The following STK38 variants were observed in gnomAD, a reference collection of about 807,000 sequenced individuals.
The protein encoded by STK38 is serine/threonine-protein kinase 38.
Under a neutral mutation model 59.0 loss-of-function variants are expected in STK38, and 26 were observed. The ratio of observed to expected loss-of-function variants is 0.44; its 90% CI spans 0.32 to 0.61. The LOEUF is 0.61. STK38 is among the 20% of genes least tolerant of loss of function. The pLI, the probability that STK38 is intolerant of heterozygous loss-of-function variation, is 0.04. For synonymous variants in STK38, 175 were observed against 176.6 expected, an observed-to-expected ratio of 0.99 and a Z score of 0.07; for missense variants, 433 against 566.0, an observed-to-expected ratio of 0.76 and a Z score of 2.38.
At chr6:36,501,669 C>T (rs1208751229) in intron 9 of STK38, among the ~76,000 whole-genome samples, 2 of 151,862 alleles carry the variant, frequency 1.3e-5, no homozygotes, top group Non-Finnish European at 2.9e-5. Flanking sequence ...AAGTGATCCA[C>T]CCACCTCAGC....
At chr6:36,521,513 T>C (rs1214461669) in intron 5 of STK38, among the ~76,000 whole-genome samples, 5 of 152,178 alleles carry the variant, frequency 3.3e-5, no homozygotes, top group African/African-American at 1.2e-4. Context: ...TGGAACAGAT[T>C]TTCAATTTTT....
At position 36,525,598 on chromosome 6, in the gene STK38, T is replaced by A. The variant is rs771034473; in HGVS notation, c.176A>T (p.Asp59Val). 4 of 1,613,682 alleles carry A rather than the reference T, an allele frequency of 2.5e-6. No individual in the cohort carries two copies. In the African/African-American group the frequency reaches 4.0e-5, roughly 16 times the overall value. ...ATTGCCAATATTAATTACCTCCTCA[T>A]CTTTTAGGCCTTCTTCTTCCATCAC... is the stretch of plus-strand genomic sequence containing the variant. ...EKVMEEEGLK[D>V]EEKRLRRSAH... Residue 59 changes from aspartate to valine, a missense_variant, in exon 3 of 14, where the codon GAT becomes GTT. Asp to Val is a radical substitution (Grantham distance 152). This residue lies in a region of STK38 where 293 missense variants were observed against 388.2 expected (regional missense o/e 0.75). Transcript: ENST00000229812.
intron 9 of STK38, among the ~76,000 whole-genome samples, chr6:36,506,278 T>C (rs1302058578): frequency 6.6e-6 from 1 of 152,138 alleles, no homozygotes; most frequent in Admixed American, 6.5e-5. Flanking sequence ...AGCTTAAATA[T>C]AACCCCTTTA....
intron 9 of STK38, among the ~76,000 whole-genome samples, chr6:36,505,167 A>G (rs1160345489): frequency 6.6e-6 from 1 of 152,206 alleles, no homozygotes; most frequent in East Asian, 1.9e-4. Context: ...GAACCTGGAC[A>G]TCAACATGTT....
At chr6:36,501,720 C>T (rs769673867) in intron 9 of STK38, among the ~76,000 whole-genome samples, 2 of 152,020 alleles carry the variant, frequency 1.3e-5, no homozygotes, top group Admixed American at 6.6e-5. Flanking sequence ...CCACCGCAAC[C>T]GGCCTTGTTT....
At chr6:36,538,961 T>C (rs1288679461) in intron 2 of STK38, among the ~76,000 whole-genome samples, 3 of 150,626 alleles carry the variant, frequency 2.0e-5, no homozygotes, top group Non-Finnish European at 4.4e-5. Flanking sequence ...TAGATGGATA[T>C]GCAGTTAAAC....
intron 7 of STK38, among the ~76,000 whole-genome samples, chr6:36,508,350 A>G (rs898716145): frequency 6.6e-6 from 1 of 152,170 alleles, no homozygotes; most frequent in Non-Finnish European, 1.5e-5. Flanking sequence ...TAGCTCTCAT[A>G]TAACATGGAT....
rs1232668996 is a variant in STK38 at position 36,547,439 on chromosome 6, G to C, written c.-255C>G. 6.6e-6 allele frequency: 1 copy of C among 152,272 alleles called. No homozygotes were observed. The highest frequency in any genetic ancestry group is 1.5e-5 in the Non-Finnish European group (1 of 68,094). The allele number at this position is 152,272 out of a possible 1,614,324, so 9.4% of individuals were successfully genotyped here. The stretch of plus-strand genomic sequence containing the variant: ...CAAGGCAGCCCGGTCCCCCGCCGCG[G>C]AGACGGGCTGGCGCGGCAGCCCGGG... On this transcript the variant is annotated 5_prime_UTR_variant, in exon 1 of 14. Coordinates refer to ENST00000229812, the MANE Select transcript of STK38 (RefSeq NM_007271.4).
chr6:36,498,219 A>G, intron 11 of STK38, 144 bp downstream of exon 11: 1 of 1,194,018 alleles, frequency 8.4e-7, no homozygotes, highest in Non-Finnish European at 1.2e-6. Context: ...GGCGTAAGCC[A>G]CCATGCACAG....
intron 2 of STK38, among the ~76,000 whole-genome samples, chr6:36,528,506 C>T (rs751036846): frequency 6.6e-6 from 1 of 152,162 alleles, no homozygotes; most frequent in African/African-American, 2.4e-5. Context: ...TATGATGCCA[C>T]TAATCAAGAC....
rs542509947 is a variant in STK38 at position 36,509,942 on chromosome 6, G to A, written c.670-2340C>T. Among the ~76,000 whole-genome samples the A allele has an allele frequency of 7.9e-5, 12 of 152,274 alleles. 1 individual carries two copies. In the South Asian group the frequency reaches 2.3e-3, roughly 29 times the overall value. On this transcript the variant is annotated intron_variant, in intron 7 of 13. Coordinates refer to ENST00000229812, the MANE Select transcript of STK38 (RefSeq NM_007271.4). Reference sequence around the variant, plus strand: ...AGAGTGTGAGTCCAGGGTTTGTATGGGTTTCAAAAGAGAGAAAGTACGTGC... The same window carrying A: ...AGAGTGTGAGTCCAGGGTTTGTATGAGTTTCAAAAGAGAGAAAGTACGTGC...
chr6:36,531,286 ATT>A (rs1265185023), intron 2 of STK38, among the ~76,000 whole-genome samples: 1 of 152,198 alleles, frequency 6.6e-6, no homozygotes, highest in Non-Finnish European at 1.5e-5. Flanking sequence ...ACTTTGTTTG[ATT>A]TGGGAAGAAA....
intron 11 of STK38, 73 bp downstream of exon 11, chr6:36,498,289 CA>C (rs1776754441): frequency 6.4e-7 from 1 of 1,556,764 alleles, no homozygotes; most frequent in African/African-American, 1.4e-5. Flanking sequence ...CAGGAGATAA[CA>C]AAAGTTTTTA....
rs1207274516 is a variant in STK38, at chr6:36,527,187, G to A, written c.132-1545C>T. 1.1e-3 allele frequency among the ~76,000 whole-genome samples: 96 copies of A among 90,470 alleles called. 1 individual carries two copies. The highest frequency in any genetic ancestry group is 9.8e-3 in the Admixed American group (60 of 6,152). 59.4% of individuals were successfully genotyped at this position (90,470 alleles called of 152,430 possible). A position where few individuals can be genotyped will look rare whatever the true frequency, so the allele number is the denominator to read the frequency against. ...AGCCTGGGTGACAGAGCAAGACTCCGTCTCAAAAAAAAAAAAAAAAATATA... is the reference window on the plus strand; with the variant it reads ...AGCCTGGGTGACAGAGCAAGACTCCATCTCAAAAAAAAAAAAAAAAATATA... On this transcript the variant is annotated intron_variant, in intron 2 of 13. Coordinates refer to ENST00000229812, the MANE Select transcript of STK38 (RefSeq NM_007271.4).
chr6:36,519,915 G>C (rs2127478350), intron 5 of STK38, among the ~76,000 whole-genome samples: 1 of 152,210 alleles, frequency 6.6e-6, no homozygotes, highest in East Asian at 1.9e-4. Flanking sequence ...CCACCACGTG[G>C]AGCAGAAAAA....
chr6:36,529,497 C>T (rs1350320758), intron 2 of STK38, among the ~76,000 whole-genome samples: 1 of 152,194 alleles, frequency 6.6e-6, no homozygotes. Flanking sequence ...CCACTCTTCC[C>T]TTCAATTCCA....
chr6:36,495,662 G>T lies in STK38; in HGVS notation c.*122C>A. ...ATCCTCTTACTACCACATTTCAGGA[G>T]ACTTTACTATGACATATTGGTGGGT... On this transcript the variant is annotated 3_prime_UTR_variant, in exon 14 of 14. Transcript: ENST00000229812. The T allele has an allele frequency of 2.3e-6, 3 of 1,301,742 alleles. No homozygotes were observed. The highest frequency in any genetic ancestry group is 3.2e-6 in the Non-Finnish European group (3 of 952,210). The allele number at this position is 1,301,742 out of a possible 1,614,324, so 80.6% of individuals were successfully genotyped here.
chr6:36,503,113 A>G (rs1776878356), intron 9 of STK38, among the ~76,000 whole-genome samples: 1 of 152,182 alleles, frequency 6.6e-6, no homozygotes, highest in African/African-American at 2.4e-5. Context: ...GCCTATGACT[A>G]GGGGTAGAAT....
rs908922346 is a variant in STK38 at position 36,547,407 on chromosome 6, G to A, written c.-223C>T. 4 of 152,354 alleles carry A rather than the reference G, an allele frequency of 2.6e-5. No homozygotes were observed. Among genetic ancestry groups the A allele is most frequent in the Non-Finnish European group, 5.9e-5 (4 of 68,162 alleles). The allele number at this position is 152,354 out of a possible 1,614,324, so 9.4% of individuals were successfully genotyped here. ...AACTGCCGGAAAAGACGCGAGCGCT[G>A]AGGGGCCAAGGCAGCCCGGTCCCCC... On this transcript the variant is annotated 5_prime_UTR_variant, in exon 1 of 14. It introduces an in-frame stop codon into an upstream open reading frame of the 5' UTR. Transcript: ENST00000229812.
Sources: gnomAD v4.1 joint callset for allele counts (sites outside exome capture counted in the v4.1 genomes callset) on GRCh38, gnomAD v4.1.1 for gene constraint, gnomAD v4.1.1 regional missense constraint, MANE v1.5 for transcripts, NCBI Gene and HGNC (gene_info 2026-07-23, HGNC 2026-07-21) for gene names.